The following CPED1 variants were observed in gnomAD, a reference collection of about 807,000 sequenced individuals.
The protein encoded by CPED1 is cadherin-like and PC-esterase domain-containing protein 1.
A neutral mutation model predicts 128.2 loss-of-function variants in CPED1; 114 were observed. The ratio of observed to expected loss-of-function variants is 0.89; its 90% CI spans 0.76 to 1.04. The LOEUF is 1.04. Among genes scored for constraint, CPED1 ranks in the 50% least tolerant of loss-of-function variants. CPED1 has a pLI of 0.00. For synonymous variants in CPED1, 462 were observed against 426.7 expected (o/e 1.08, Z -1.02); for missense variants, 1,211 against 1,207.1 (o/e 1.00, Z -0.05).
intron 20 of CPED1, 75 bp downstream of exon 20, chr7:121,266,883 C>T: frequency 9.8e-7 from 1 of 1,024,352 alleles, no homozygotes; most frequent in East Asian, 2.4e-5. Flanking sequence ...TGAGTTTTAT[C>T]CAGATTTTAT....
chr7:121,209,825 A>G (rs973057399), intron 16 of CPED1, among the ~76,000 whole-genome samples: 2 of 152,064 alleles, frequency 1.3e-5, no homozygotes, highest in African/African-American at 4.8e-5. Context: ...CAACTCACAG[A>G]ATGCGAGAAA....
At chr7:121,241,072 G>A (rs1798380692) in intron 17 of CPED1, among the ~76,000 whole-genome samples, 1 of 120,710 alleles carries the variant, frequency 8.3e-6, no homozygotes, top group East Asian at 2.0e-4. Flanking sequence ...GGCCGGGCGC[G>A]GTGGCTCACG....
chr7:121,125,674 G>A (rs553316243), intron 8 of CPED1, 146 bp from the exon 9 acceptor site: 3 of 636,540 alleles, frequency 4.7e-6, no homozygotes, highest in Admixed American at 2.3e-5. Context: ...GTATTCCATG[G>A]TGTGTATGTG....
At chr7:121,142,284 C>A in intron 16 of CPED1, 143 bp downstream of exon 16, 2 of 725,946 alleles carry the variant, frequency 2.8e-6, no homozygotes, top group Non-Finnish European at 2.3e-6. Context: ...GTGAGAATCC[C>A]AGCCAGGTAT....
intron 2 of CPED1, among the ~76,000 whole-genome samples, chr7:121,009,789 A>C (rs1023334181): frequency 1.3e-5 from 2 of 152,150 alleles, no homozygotes; most frequent in African/African-American, 4.8e-5. Flanking sequence ...TGGCCATTGG[A>C]GCAGGTGTTT....
At chr7:121,144,571 G>C (rs1795978685) in intron 16 of CPED1, among the ~76,000 whole-genome samples, 2 of 151,756 alleles carry the variant, frequency 1.3e-5, no homozygotes, top group Admixed American at 1.3e-4. Flanking sequence ...GTTGTTAATG[G>C]GCACAAAAAC....
At chr7:121,217,927 G>A (rs1242131558) in intron 16 of CPED1, among the ~76,000 whole-genome samples, 3 of 151,434 alleles carry the variant, frequency 2.0e-5, no homozygotes, top group Non-Finnish European at 4.4e-5. Flanking sequence ...GCATATAGGT[G>A]TGTTTGTGTA....
intron 3 of CPED1, among the ~76,000 whole-genome samples, chr7:121,036,251 C>T (rs927518722): frequency 7.2e-5 from 11 of 151,984 alleles, no homozygotes; most frequent in African/African-American, 1.2e-4. Context: ...GTACCCAATG[C>T]GTAGTCTTTT....
chr7:121,254,624 G>A (rs1402805382), intron 18 of CPED1, among the ~76,000 whole-genome samples: 1 of 151,824 alleles, frequency 6.6e-6, no homozygotes. Flanking sequence ...AACAGAAGTC[G>A]GTTCTTCAAA....
At chr7:121,277,486 G>A (rs958637394) in intron 22 of CPED1, among the ~76,000 whole-genome samples, 1 of 152,120 alleles carries the variant, frequency 6.6e-6, no homozygotes, top group Non-Finnish European at 1.5e-5. Context: ...GAACTGCAGA[G>A]TTTTGGTAGA....
At chr7:121,260,223 G>GTTTTTT (rs59370305) in intron 18 of CPED1, among the ~76,000 whole-genome samples, 5 of 69,978 alleles carry the variant, frequency 7.1e-5, no homozygotes, top group Non-Finnish European at 7.5e-5. Flanking sequence ...CTTGCTTCGC[G>GTTTTTT]TTTTTTTTTT....
intron 16 of CPED1, among the ~76,000 whole-genome samples, chr7:121,220,640 T>A (rs1352410812): frequency 6.6e-6 from 1 of 152,062 alleles, no homozygotes; most frequent in East Asian, 1.9e-4. Flanking sequence ...TCTATTATTC[T>A]GCTTTAACAT....
At chr7:121,079,341 G>A (rs779569735) in intron 5 of CPED1, among the ~76,000 whole-genome samples, 3 of 152,212 alleles carry the variant, frequency 2.0e-5, no homozygotes, top group Non-Finnish European at 4.4e-5. Context: ...TTTGAAAAAT[G>A]TTTGTTGACT....
chr7:121,111,989 C>T (rs1166433531), intron 7 of CPED1, among the ~76,000 whole-genome samples: 1 of 152,160 alleles, frequency 6.6e-6, no homozygotes, highest in Non-Finnish European at 1.5e-5. Context: ...GGTAGTCTAG[C>T]CTGCCTTCAC....
chr7:121,217,842 C>T (rs1303869741), intron 16 of CPED1, among the ~76,000 whole-genome samples: 1 of 151,930 alleles, frequency 6.6e-6, no homozygotes, highest in Non-Finnish European at 1.5e-5. Flanking sequence ...ATGTTTGTTT[C>T]CTTCAAATTT....
chr7:121,093,397 T>TATACACACACAC (rs1554433495), intron 5 of CPED1, among the ~76,000 whole-genome samples: 6,367 of 145,530 alleles, frequency 0.044, 183 homozygotes, highest in Non-Finnish European at 0.057. Flanking sequence ...CCTTTTTCTG[T>TATACACACACAC]ACACACACAC....
At chr7:121,116,969 TATATATATACACACACACACAC>T (rs1795253184) in intron 7 of CPED1, among the ~76,000 whole-genome samples, 1 of 142,072 alleles carries the variant, frequency 7.0e-6, no homozygotes. Flanking sequence ...TCTCTATATA[TATATATATACACACACACACAC>T]ATATATATAC....
chr7:121,138,904 A>G (rs936592579), intron 14 of CPED1, among the ~76,000 whole-genome samples: 1 of 151,866 alleles, frequency 6.6e-6, no homozygotes, highest in African/African-American at 2.4e-5. Context: ...ATGATTAATA[A>G]TATCCTGTTT....
intron 2 of CPED1, among the ~76,000 whole-genome samples, chr7:120,995,604 A>T (rs1796383711): frequency 1.3e-5 from 2 of 152,208 alleles, no homozygotes; most frequent in African/African-American, 4.8e-5. Context: ...ACAAAAATTT[A>T]AATAATTTAT....
Sources: gnomAD v4.1 joint callset for allele counts (sites outside exome capture counted in the v4.1 genomes callset) on GRCh38, gnomAD v4.1.1 for gene constraint, MANE v1.5 for transcripts, NCBI Gene and HGNC (gene_info 2026-07-23, HGNC 2026-07-21) for gene names.